MDGA2: variants seen among roughly 807,000 people sequenced by gnomAD.
MDGA2 encodes the protein MAM domain containing glycosylphosphatidylinositol anchor 2.
MDGA2 carries 40 observed loss-of-function variants against 117.8 expected under a neutral mutation model. That is an observed-to-expected ratio of 0.34 (90% confidence interval 0.26 to 0.44). The LOEUF (loss-of-function observed/expected upper bound fraction) is 0.44. MDGA2 is among the 20% of genes least tolerant of loss of function. The probability of loss-of-function intolerance (pLI) is 1.00; values close to 1 mark genes in which losing one functional copy is unlikely to be tolerated. For missense variants in MDGA2, 1,123 were observed against 1,250.6 expected (o/e 0.90, Z 1.54); for synonymous variants, 452 against 439.0 (o/e 1.03, Z -0.37).
At chr14:46,971,854 T>C (rs1886279065) in intron 8 of MDGA2, among the ~76,000 whole-genome samples, 1 of 152,168 alleles carries the variant, frequency 6.6e-6, no homozygotes, top group Non-Finnish European at 1.5e-5. Flanking sequence ...CATCCTCACA[T>C]GTACCTCATA....
intron 1 of MDGA2, among the ~76,000 whole-genome samples, chr14:47,570,542 C>T (rs1896000105): frequency 6.6e-6 from 1 of 152,004 alleles, no homozygotes; most frequent in Non-Finnish European, 1.5e-5. Flanking sequence ...ATTTCCATTT[C>T]ATATTATCAA....
At chr14:47,173,843 A>G (rs905021107) in intron 3 of MDGA2, among the ~76,000 whole-genome samples, 7 of 152,342 alleles carry the variant, frequency 4.6e-5, no homozygotes, top group Non-Finnish European at 1.0e-4. Context: ...CAATTAAAAG[A>G]CACGGACTGG....
At chr14:47,408,343 C>G (rs1421318968) in intron 1 of MDGA2, among the ~76,000 whole-genome samples, 2 of 152,116 alleles carry the variant, frequency 1.3e-5, no homozygotes, top group Non-Finnish European at 2.9e-5. Flanking sequence ...CGTTAGCCAC[C>G]GTGCCCAGCC....
At chr14:47,537,574 TAAAAAAAAAAA>T (rs58060138) in intron 1 of MDGA2, among the ~76,000 whole-genome samples, 14 of 36,632 alleles carry the variant, frequency 3.8e-4, no homozygotes, top group African/African-American at 1.1e-3. Context: ...TTCTCTCTGT[TAAAAAAAAAAA>T]AAAAAAAAAA....
At chr14:47,257,288 A>G (rs1484020777) in intron 2 of MDGA2, among the ~76,000 whole-genome samples, 2 of 152,046 alleles carry the variant, frequency 1.3e-5, no homozygotes, top group South Asian at 2.1e-4. Flanking sequence ...TTTCCTCGGT[A>G]ATATTTGTGT....
intron 1 of MDGA2, among the ~76,000 whole-genome samples, chr14:47,650,692 A>G (rs1164357294): frequency 6.6e-6 from 1 of 152,208 alleles, no homozygotes; most frequent in Admixed American, 6.6e-5. Context: ...AGCAGGTTGG[A>G]AAAATGCATA....
chr14:47,183,370 T>G (rs986686257), intron 3 of MDGA2, among the ~76,000 whole-genome samples: 3 of 152,130 alleles, frequency 2.0e-5, no homozygotes, highest in African/African-American at 7.2e-5. Flanking sequence ...CACCTGCCCC[T>G]ACATTCATTC....
At chr14:47,180,092 G>A (rs148326856) in intron 3 of MDGA2, among the ~76,000 whole-genome samples, 188 of 152,080 alleles carry the variant, frequency 1.2e-3, no homozygotes, top group African/African-American at 4.1e-3. Flanking sequence ...GTAAAATTGC[G>A]TCATGGGGGT....
Position 46,885,759 on chromosome 14 carries a change from A to G in MDGA2, c.2239-3538T>C, listed in dbSNP as rs551152891. 1.4e-4 allele frequency among the ~76,000 whole-genome samples: 22 copies of G among 152,268 alleles called. No individual in the cohort carries two copies. In the East Asian group the frequency reaches 3.9e-3, roughly 27 times the overall value. ...GACTCATGACTCAGCATAAATCCCA[A>G]GCTTTATTTTAGCATTGATCCTCCT... On this transcript the variant is annotated intron_variant, in intron 10 of 16. Coordinates refer to ENST00000399232, the MANE Select transcript of MDGA2 (RefSeq NM_001113498.3).
chr14:47,323,786 A>T (rs1053024421), intron 1 of MDGA2, among the ~76,000 whole-genome samples: 3 of 152,240 alleles, frequency 2.0e-5, no homozygotes, highest in African/African-American at 7.2e-5. Flanking sequence ...TGGCAAAAGC[A>T]CAAGAGGGAA....
intron 6 of MDGA2, among the ~76,000 whole-genome samples, chr14:47,079,185 A>T (rs1890608787): frequency 6.6e-6 from 1 of 151,768 alleles, no homozygotes; most frequent in Admixed American, 6.6e-5. Context: ...TACTTGGGTG[A>T]TATTTTTAGT....
intron 1 of MDGA2, among the ~76,000 whole-genome samples, chr14:47,673,766 C>T (rs888306650): frequency 3.3e-5 from 5 of 151,708 alleles, no homozygotes; most frequent in African/African-American, 7.3e-5. Flanking sequence ...AACAAGCTTG[C>T]CCTTCTCTAG....
chr14:47,251,601 C>G (rs1344587678), intron 2 of MDGA2, among the ~76,000 whole-genome samples: 1 of 152,106 alleles, frequency 6.6e-6, no homozygotes, highest in African/African-American at 2.4e-5. Flanking sequence ...ATTGTTGTTA[C>G]TGTCATTAAA....
intron 1 of MDGA2, among the ~76,000 whole-genome samples, chr14:47,393,013 T>C (rs1197338953): frequency 6.6e-6 from 1 of 151,822 alleles, no homozygotes; most frequent in African/African-American, 2.4e-5. Flanking sequence ...AAAAAGAAAG[T>C]AATCTTCCAA....
At chr14:47,342,710 G>T (rs1190134940) in intron 1 of MDGA2, among the ~76,000 whole-genome samples, 4 of 152,188 alleles carry the variant, frequency 2.6e-5, no homozygotes, top group African/African-American at 9.6e-5. Context: ...TTTTCAGGTA[G>T]GCCTACAGTC....
intron 1 of MDGA2, among the ~76,000 whole-genome samples, chr14:47,490,788 G>A (rs1277347096): frequency 6.6e-6 from 1 of 152,098 alleles, no homozygotes; most frequent in African/African-American, 2.4e-5. Context: ...TCTAGTTACA[G>A]GGAACTCTGA....
chr14:47,648,645 T>C (rs1897580824), intron 1 of MDGA2, among the ~76,000 whole-genome samples: 1 of 148,688 alleles, frequency 6.7e-6, no homozygotes, highest in Non-Finnish European at 1.5e-5. Flanking sequence ...GAAAGATCTA[T>C]GGCAGACAGG....
chr14:47,549,233 C>G (rs992283128), intron 1 of MDGA2, among the ~76,000 whole-genome samples: 1 of 152,234 alleles, frequency 6.6e-6, no homozygotes, highest in South Asian at 2.1e-4. Flanking sequence ...GTTCTTTGCT[C>G]TTTTTGAAAT....
intron 1 of MDGA2, among the ~76,000 whole-genome samples, chr14:47,484,935 T>C (rs746628289): frequency 2.6e-5 from 4 of 152,130 alleles, no homozygotes; most frequent in Non-Finnish European, 5.9e-5. Context: ...TTATTTTTTA[T>C]TTTTGCAAAT....
Sources: allele counts gnomAD v4.1 joint callset (sites outside exome capture counted in the v4.1 genomes callset), GRCh38; gene constraint gnomAD v4.1.1; transcripts MANE v1.5; gene names NCBI Gene and HGNC (gene_info 2026-07-23, HGNC 2026-07-21).